Variants in GPR107 observed in about 807,000 individuals in gnomAD.
The protein encoded by GPR107 is protein GPR107.
A neutral mutation model predicts 75.5 loss-of-function variants in GPR107; 31 were observed. That is an observed-to-expected ratio of 0.41 (90% CI 0.31 to 0.55). The LOEUF (loss-of-function observed/expected upper bound fraction) is 0.55. GPR107 is among the 20% of genes least tolerant of loss of function. The probability of loss-of-function intolerance (pLI) is 0.26; values close to 1 mark genes in which losing one functional copy is unlikely to be tolerated. For missense variants in GPR107, 572 were observed against 665.7 expected, an observed-to-expected ratio of 0.86 and a Z score of 1.55; for synonymous variants, 267 against 251.3, an observed-to-expected ratio of 1.06 and a Z score of -0.59.
At position 130,086,493 on chromosome 9, in the gene GPR107, T is replaced by C. The variant is rs1830618712; in HGVS notation, c.621+17T>C. 1.4e-6 allele frequency: 2 copies of C among 1,417,014 alleles called. No individual in the cohort carries two copies. The highest frequency in any genetic ancestry group is 2.0e-6 in the Non-Finnish European group (2 of 1,004,020). The allele number at this position is 1,417,014 out of a possible 1,614,324, so 87.8% of individuals were successfully genotyped here. ...TCATTTCAGGTATGTATGCTCTTTG[T>C]GTAAAGCCTCCTAGAATTTCTCTCT... On this transcript the variant is annotated intron_variant, in intron 7 of 17. Transcript: ENST00000347136.
intron 2 of GPR107, 27 bp downstream of exon 2, chr9:130,075,776 G>T (rs747665898): frequency 9.2e-7 from 1 of 1,092,142 alleles, no homozygotes; most frequent in Non-Finnish European, 1.4e-6. Context: ...GAGATCCAGG[G>T]GTTTACTCTT....
intron 16 of GPR107, among the ~76,000 whole-genome samples, chr9:130,127,941 G>A (rs1831725500): frequency 1.3e-5 from 2 of 152,184 alleles, no homozygotes; most frequent in African/African-American, 2.4e-5. Flanking sequence ...GATCTCAAGT[G>A]ATCCGCCCAC....
chr9:130,084,863 C>T (rs1027333497), intron 6 of GPR107, among the ~76,000 whole-genome samples: 3 of 151,876 alleles, frequency 2.0e-5, no homozygotes, highest in Non-Finnish European at 4.4e-5. Flanking sequence ...AAGGAAGATG[C>T]CAAACCATCA....
chr9:130,118,916 G>A lies in GPR107; in HGVS notation c.1307-5999G>A, dbSNP rs979389669. Among the ~76,000 whole-genome samples the A allele has an allele frequency of 8.5e-5, 13 of 152,182 alleles. No individual in the cohort carries two copies. The East Asian group carries it at 2.5e-3, about 29-fold the overall frequency. ...GAGATGGGGCAGGGCTGGAAGGCAGGCCTCCTGGATCCTGCCTGGGGCCTT... is the reference window on the plus strand; with the variant it reads ...GAGATGGGGCAGGGCTGGAAGGCAGACCTCCTGGATCCTGCCTGGGGCCTT... On this transcript the variant is annotated intron_variant, in intron 14 of 17. Coordinates refer to ENST00000347136, the MANE Select transcript of GPR107 (RefSeq NM_020960.5).
chr9:130,132,221 T>C (rs1283614423), intron 17 of GPR107, among the ~76,000 whole-genome samples: 2 of 152,122 alleles, frequency 1.3e-5, no homozygotes, highest in East Asian at 3.9e-4. Context: ...TCTCCCGGGC[T>C]CTAGAATCAC....
At chr9:130,127,030 G>C (rs796436969) in intron 15 of GPR107, among the ~76,000 whole-genome samples, 136 of 151,702 alleles carry the variant, frequency 9.0e-4, no homozygotes, top group African/African-American at 3.2e-3. Context: ...ACTTCTGTGA[G>C]TGTGGACCTC....
chr9:130,059,847 T>A (rs1351921763), intron 1 of GPR107, among the ~76,000 whole-genome samples: 1 of 151,808 alleles, frequency 6.6e-6, no homozygotes, highest in Non-Finnish European at 1.5e-5. Context: ...CAAGTGATTC[T>A]CCTGCCTCGA....
intron 14 of GPR107, 27 bp from the exon 15 acceptor site, chr9:130,124,888 C>T: frequency 6.8e-7 from 1 of 1,468,982 alleles, no homozygotes; most frequent in African/African-American, 1.4e-5. Flanking sequence ...TTAACGAGCT[C>T]TTCATTTTGT....
intron 14 of GPR107, among the ~76,000 whole-genome samples, chr9:130,124,157 G>C (rs12347344): frequency 6.6e-6 from 1 of 152,014 alleles, no homozygotes; most frequent in Non-Finnish European, 1.5e-5. Context: ...CACCACCCAC[G>C]GTCCCATTCT....
At chr9:130,133,284 A>G (rs1554899466) in intron 17 of GPR107, 1 of 152,220 alleles carries the variant, frequency 6.6e-6, no homozygotes, top group African/African-American at 2.4e-5. Context: ...AAAGGGAGAA[A>G]ATGTTTTTCC....
intron 3 of GPR107, among the ~76,000 whole-genome samples, chr9:130,076,727 T>C (rs1231913576): frequency 1.3e-5 from 2 of 151,684 alleles, no homozygotes; most frequent in African/African-American, 4.8e-5. Flanking sequence ...TTGTTGGCCA[T>C]GTCTCAAACT....
At chr9:130,091,374 C>G (rs1201932177) in intron 8 of GPR107, among the ~76,000 whole-genome samples, 1 of 151,950 alleles carries the variant, frequency 6.6e-6, no homozygotes, top group Non-Finnish European at 1.5e-5. Flanking sequence ...CCTCTAGTCC[C>G]GGCTACTCAG....
chr9:130,060,353 G>A (rs879791429), intron 1 of GPR107, among the ~76,000 whole-genome samples: 4 of 150,656 alleles, frequency 2.7e-5, no homozygotes, highest in African/African-American at 4.9e-5. Context: ...GTGAGGCACC[G>A]CGCCCAGCCT....
chr9:130,108,921 G>A, intron 14 of GPR107: 1 of 350,954 alleles, frequency 2.8e-6, no homozygotes, highest in Non-Finnish European at 5.5e-6. Context: ...GCCCAGTAAA[G>A]CACCCTGCCA....
chr9:130,108,862 GGAGTCACAGA>G, intron 14 of GPR107: 1 of 430,434 alleles, frequency 2.3e-6, no homozygotes. Flanking sequence ...GCTTTAAGCA[GGAGTCACAGA>G]GCTTTTGCTT....
chr9:130,121,461 C>T (rs1831545127), intron 14 of GPR107, among the ~76,000 whole-genome samples: 1 of 152,232 alleles, frequency 6.6e-6, no homozygotes, highest in Admixed American at 6.5e-5. Context: ...TTCCCTGGGA[C>T]CCCCAAAACC....
chr9:130,118,993 A>T (rs1231321543), intron 14 of GPR107, among the ~76,000 whole-genome samples: 1 of 152,166 alleles, frequency 6.6e-6, no homozygotes, highest in Non-Finnish European at 1.5e-5. Context: ...CCTCATGGTG[A>T]GGTCAGAAAT....
intron 14 of GPR107, among the ~76,000 whole-genome samples, chr9:130,120,144 A>G (rs1326632550): frequency 3.3e-5 from 5 of 152,184 alleles, no homozygotes; most frequent in Non-Finnish European, 5.9e-5. Context: ...TTCTAACTAC[A>G]TTTCTCAAAG....
chr9:130,066,357 C>T (rs996006271), intron 1 of GPR107, among the ~76,000 whole-genome samples: 5 of 151,352 alleles, frequency 3.3e-5, no homozygotes, highest in Non-Finnish European at 2.9e-5. Context: ...TTCCTCATCT[C>T]GTTCCCATTG....
Sources: gnomAD v4.1 joint callset for allele counts (sites outside exome capture counted in the v4.1 genomes callset) on GRCh38, gnomAD v4.1.1 for gene constraint, MANE v1.5 for transcripts, NCBI Gene and HGNC (gene_info 2026-07-23, HGNC 2026-07-21) for gene names.